PSG3: variants seen among roughly 807,000 people sequenced by gnomAD.
The protein encoded by PSG3 is pregnancy specific beta-1-glycoprotein 3.
A neutral mutation model predicts 47.5 loss-of-function variants in PSG3; 61 were observed. The observed-to-expected ratio is 1.28, with a 90% CI of 1.05 to 1.59. The LOEUF is 1.59. Among genes scored for constraint, PSG3 ranks in the 40% most tolerant of loss-of-function variants. The pLI, the probability that PSG3 is intolerant of heterozygous loss-of-function variation, is 0.00. For missense variants in PSG3, 756 were observed against 524.0 expected, an observed-to-expected ratio of 1.44 and a Z score of -4.32; for synonymous variants, 263 against 198.4, an observed-to-expected ratio of 1.33 and a Z score of -2.74.
chr19:42,736,111 G>A (rs985444251), intron 2 of PSG3, among the ~76,000 whole-genome samples: 1 of 152,192 alleles, frequency 6.6e-6, no homozygotes, highest in East Asian at 1.9e-4. Context: ...GACTGCCTTT[G>A]TAAAACTAGT....
intron 5 of PSG3, 92 bp downstream of exon 5, chr19:42,729,031 G>A (rs1393926202): frequency 3.7e-6 from 6 of 1,605,044 alleles, no homozygotes; most frequent in Non-Finnish European, 5.1e-6. Context: ...TGGGACACAG[G>A]CTGGGAATAA....
intron 2 of PSG3, among the ~76,000 whole-genome samples, chr19:42,737,196 G>T (rs1382968284): frequency 6.6e-6 from 1 of 152,144 alleles, no homozygotes; most frequent in African/African-American, 2.4e-5. Flanking sequence ...ATGAGGTGGG[G>T]TTGCTTTAGG....
chr19:42,735,371 A>AT (rs199959614), intron 2 of PSG3, among the ~76,000 whole-genome samples: 4,219 of 146,986 alleles, frequency 0.029, 100 homozygotes, highest in African/African-American at 0.068. Context: ...CTCTAAAAAC[A>AT]TTTTTTTTTT....
At position 42,729,338 on chromosome 19, in the gene PSG3, T is replaced by C. The variant is rs768672773; in HGVS notation, c.1028A>G (p.Tyr343Cys). The change falls in exon 5 of 7, where the codon TAT becomes TGT. Residue 343 changes from tyrosine (Y) to cysteine (C), a missense_variant. Transcript: ENST00000327495. ...GTAGAGGTTTTCTCCTGAATGGTAA[T>C]AGGTGAATGAAGGGTAAATTCTGGG... ...DLPRIYPSFT[Y>C]YHSGENLYLS... The C allele has an allele frequency of 1.9e-6, 3 of 1,614,062 alleles. No individual in the cohort carries two copies. In the East Asian group the frequency reaches 6.7e-5, roughly 36 times the overall value.
At chr19:42,723,578 G>C (rs1352198491) in intron 6 of PSG3, among the ~76,000 whole-genome samples, 1 of 152,224 alleles carries the variant, frequency 6.6e-6, no homozygotes, top group Non-Finnish European at 1.5e-5. Context: ...AAAGTCTGGA[G>C]ACAAGAAGTC....
chr19:42,724,707 G>T lies in PSG3; in HGVS notation c.1244-682C>A, dbSNP rs375170812. On this transcript the variant is annotated intron_variant, in intron 5 of 6. Coordinates refer to ENST00000327495, the MANE Select transcript of PSG3 (RefSeq NM_021016.4). ...ATGCCTGCCCCACATTCCCTCACAG[G>T]TGTCTTCCCTGATAAGTTATCTTGT... Among the ~76,000 whole-genome samples the T allele has an allele frequency of 9.1e-4, 138 of 151,880 alleles. 2 individuals are homozygous for T. Among genetic ancestry groups the T allele is most frequent in the Admixed American group, 2.0e-3 (31 of 15,220 alleles).
intron 2 of PSG3, among the ~76,000 whole-genome samples, chr19:42,737,366 G>C (rs1969582332): frequency 6.6e-6 from 1 of 152,098 alleles, no homozygotes; most frequent in South Asian, 2.1e-4. Context: ...TTATGTAAGA[G>C]CTCCTGAGTG....
chr19:42,729,234 T>G lies in PSG3; in HGVS notation c.1132A>C (p.Lys378Gln). 1 of 1,614,044 alleles carries G rather than the reference T, an allele frequency of 6.2e-7. No individual in the cohort carries two copies. The highest frequency in any genetic ancestry group is 8.5e-7 in the Non-Finnish European group (1 of 1,179,904). Residue 378 changes from lysine (K) to glutamine (Q), a missense_variant, in exon 5 of 7, where the codon AAG becomes CAG. By Grantham distance (53) the Lys-to-Gln change is moderately conservative (BLOSUM62 1). Coordinates refer to ENST00000327495, the MANE Select transcript of PSG3 (RefSeq NM_021016.4). ...INGKFQLSGQKLFIPQITTKH... is the reference protein window; with the variant it reads ...INGKFQLSGQQLFIPQITTKH... ...GTAGTAATCTGGGGGATAAAGAGCT[T>G]TTGTCCTGATAGCTGAAACTTCCCA... is the stretch of plus-strand genomic sequence containing the variant.
chr19:42,734,971 T>A (rs984466550), intron 2 of PSG3, among the ~76,000 whole-genome samples: 2 of 152,182 alleles, frequency 1.3e-5, no homozygotes, highest in Non-Finnish European at 2.9e-5. Flanking sequence ...CTAAGTGAGA[T>A]GCCAATGGTT....
intron 5 of PSG3, among the ~76,000 whole-genome samples, chr19:42,726,571 G>A (rs1302201147): frequency 1.5e-4 from 23 of 152,242 alleles, no homozygotes; most frequent in East Asian, 5.8e-4. Context: ...ATTTAGGAAT[G>A]AGTTTAACCA....
At chr19:42,724,358 GTC>G (rs1158396331) in intron 5 of PSG3, among the ~76,000 whole-genome samples, 2 of 152,160 alleles carry the variant, frequency 1.3e-5, no homozygotes, top group East Asian at 1.9e-4. Flanking sequence ...TTTTCTCAGT[GTC>G]TCTGTTGTGG....
chr19:42,730,954 A>G (rs1314579407), intron 3 of PSG3, among the ~76,000 whole-genome samples: 3 of 152,370 alleles, frequency 2.0e-5, no homozygotes, highest in African/African-American at 7.2e-5. Context: ...TTTGATGGAT[A>G]TGAGACAAAT....
Position 42,739,166 on chromosome 19 carries a change from A to G in PSG3, c.65-77T>C, listed in dbSNP as rs941199436. The G allele has an allele frequency of 6.0e-6, 9 of 1,498,774 alleles. No individual in the cohort carries two copies. In the African/African-American group the frequency reaches 9.9e-5, roughly 16 times the overall value. 92.8% of individuals were successfully genotyped at this position (1,498,774 alleles called of 1,614,324 possible). On this transcript the variant is annotated intron_variant, in intron 1 of 6. Coordinates refer to ENST00000327495, the MANE Select transcript of PSG3 (RefSeq NM_021016.4). Reference sequence around the variant, plus strand: ...AAAAGATGTGGCCCTGGGTCCTGAGAAGGTCTCTTCAATCCTCAGCTTTGA... The same window carrying G: ...AAAAGATGTGGCCCTGGGTCCTGAGGAGGTCTCTTCAATCCTCAGCTTTGA...
At position 42,732,915 on chromosome 19, in the gene PSG3, A is replaced by T; in HGVS notation, c.578T>A (p.Leu193Ter). Residue 193 changes from leucine to a stop codon, truncating the protein, a stop_gained, in exon 3 of 7, where the codon TTG becomes TAG. Coordinates refer to ENST00000327495, the MANE Select transcript of PSG3 (RefSeq NM_021016.4). LOFTEE classifies it high-confidence loss of function. Reference protein sequence around the residue: ...NGQSLPMTHSLQLSKNKRTLF... With the variant: ...NGQSLPMTHS ...GGTCCTTTTGTTTTTGGACAACTGC[A>T]AGCTGTGAGTCATAGGGAGGCTCTG... 6.2e-7 allele frequency: 1 copy of T among 1,614,114 alleles called. No homozygotes were observed. The highest frequency in any genetic ancestry group is 1.1e-5 in the South Asian group (1 of 91,072).
At position 42,729,223 on chromosome 19, in the gene PSG3, G is replaced by T; in HGVS notation, c.1143C>A (p.Ile381=). The T allele has an allele frequency of 6.2e-7, 1 of 1,614,002 alleles. No individual in the cohort carries two copies. The change falls in exon 5 of 7, where the codon ATC becomes ATA. Residue 381 remains isoleucine (I), a synonymous_variant. Transcript: ENST00000327495. Reference sequence around the variant, plus strand: ...CGCTATGCTTTGTAGTAATCTGGGGGATAAAGAGCTTTTGTCCTGATAGCT... The same window carrying T: ...CGCTATGCTTTGTAGTAATCTGGGGTATAAAGAGCTTTTGTCCTGATAGCT... ...KFQLSGQKLF[I]PQITTKHSGL...
intron 3 of PSG3, 62 bp downstream of exon 3, chr19:42,732,722 G>C: frequency 6.2e-7 from 1 of 1,614,130 alleles, no homozygotes; most frequent in Non-Finnish European, 8.5e-7. Context: ...TGAGAGGCCT[G>C]GCCTCTGGCC....
At position 42,738,791 on chromosome 19, in the gene PSG3, G is replaced by T. The variant is rs777975651; in HGVS notation, c.363C>A (p.Thr121=). The T allele has an allele frequency of 3.1e-6, 5 of 1,614,138 alleles. No individual in the cohort carries two copies. Among genetic ancestry groups the T allele is most frequent in the Non-Finnish European group, 3.4e-6 (4 of 1,179,982 alleles). The stretch of plus-strand genomic sequence containing the variant: ...CATCACCTCGCTTTACGATGTGTAA[G>T]GTGTAGGATCCTGCGTCCTCCCGGG... The part of the protein sequence containing the change: ...NVTREDAGSY[T]LHIVKRGDGT... Residue 121 remains threonine (T), a synonymous_variant, in exon 2 of 7, where the codon ACC becomes ACA. Coordinates refer to ENST00000327495, the MANE Select transcript of PSG3 (RefSeq NM_021016.4).
intron 3 of PSG3, chr19:42,732,250 T>G (rs368418333): frequency 2.9e-5 from 5 of 171,948 alleles, no homozygotes; most frequent in East Asian, 1.5e-4. Flanking sequence ...CTTGTGCTGA[T>G]TGCTGGAACT....
chr19:42,737,306 CT>C (rs1568754871), intron 2 of PSG3, among the ~76,000 whole-genome samples: 9 of 152,158 alleles, frequency 5.9e-5, no homozygotes, highest in African/African-American at 1.9e-4. Flanking sequence ...CAAATTCAGT[CT>C]CTAAAGAGGT....
Sources: allele counts gnomAD v4.1 joint callset (sites outside exome capture counted in the v4.1 genomes callset), GRCh38; gene constraint gnomAD v4.1.1; transcripts MANE v1.5; gene names NCBI Gene and HGNC (gene_info 2026-07-23, HGNC 2026-07-21).